The following TMEM164 variants were observed in gnomAD, a reference collection of about 807,000 sequenced individuals.
TMEM164 encodes transmembrane protein 164.
TMEM164 carries 4 observed loss-of-function variants against 18.8 expected under a neutral mutation model. That is an observed-to-expected ratio of 0.21 (90% CI 0.10 to 0.49). The LOEUF (loss-of-function observed/expected upper bound fraction) is 0.49. TMEM164 is among the 20% of genes least tolerant of loss of function. The probability of loss-of-function intolerance (pLI) is 0.98; values close to 1 mark genes in which losing one functional copy is unlikely to be tolerated. For missense variants in TMEM164, 108 were observed against 239.9 expected (o/e 0.45, Z 3.63); for synonymous variants, 86 against 101.7 (o/e 0.85, Z 0.93).
Position 110,176,143 on chromosome X carries a change from C to CGA in TMEM164, c.*2692_*2693insGA. ...GTGTGAGGGTGTTTGTAGAAGAGGG[C>CGA]AGTTTCCTTTCAAATGGCCTTAGGA... On this transcript the variant is annotated 3_prime_UTR_variant, in exon 7 of 7. Transcript: ENST00000372068. 1.3e-6 allele frequency: 1 copy of CGA among 756,753 alleles called. No individual in the cohort carries two copies. Among genetic ancestry groups the CGA allele is most frequent in the Non-Finnish European group, 1.6e-6 (1 of 639,660 alleles). The allele number at this position is 756,753 out of a possible 1,213,427, so 62.4% of individuals were successfully genotyped here.
At chrX:110,116,728 G>A (rs1032475962) in intron 4 of TMEM164, among the ~76,000 whole-genome samples, 1 of 111,201 alleles carries the variant, frequency 9.0e-6, no homozygotes. Flanking sequence ...AATCAGAATA[G>A]CTCTTTTACA....
rs186435083 is a variant in TMEM164, at chrX:110,131,973, C to T, written c.508-12825C>T. 2.5e-3 allele frequency among the ~76,000 whole-genome samples: 282 copies of T among 111,512 alleles called. 2 individuals carry two copies. The highest frequency in any genetic ancestry group is 8.1e-3 in the African/African-American group (247 of 30,648). On this transcript the variant is annotated intron_variant, in intron 4 of 6. Transcript: ENST00000372068. The stretch of plus-strand genomic sequence containing the variant: ...TACCTATATTATGGCAGCTAGGTAG[C>T]GTAAGTCCTTCCGTTTTCATAGTAG...
chrX:110,019,622 G>A (rs1177875122), intron 2 of TMEM164, among the ~76,000 whole-genome samples: 1 of 111,975 alleles, frequency 8.9e-6, no homozygotes, highest in Non-Finnish European at 1.9e-5. Flanking sequence ...TAAACACATA[G>A]ATGCATACAC....
intron 5 of TMEM164, among the ~76,000 whole-genome samples, chrX:110,166,966 CTTTT>C (rs2067166633): frequency 9.0e-6 from 1 of 111,680 alleles, no homozygotes; most frequent in African/African-American, 3.3e-5. Context: ...AGAGTACTTT[CTTTT>C]TTTATTTTTT....
intron 2 of TMEM164, among the ~76,000 whole-genome samples, chrX:110,047,924 G>C (rs1230250103): frequency 8.9e-6 from 1 of 111,732 alleles, no homozygotes; most frequent in East Asian, 2.8e-4. Flanking sequence ...TCAGGGTTCA[G>C]ACCTGTGATC....
At chrX:110,072,876 G>A (rs1465134930) in intron 3 of TMEM164, among the ~76,000 whole-genome samples, 2 of 107,610 alleles carry the variant, frequency 1.9e-5, no homozygotes, top group African/African-American at 6.8e-5. Context: ...TACATGTGCA[G>A]GTTTGTTACA....
intron 5 of TMEM164, among the ~76,000 whole-genome samples, chrX:110,153,566 C>T (rs971074484): frequency 9.0e-6 from 1 of 111,270 alleles, no homozygotes; most frequent in South Asian, 3.8e-4. Flanking sequence ...CTCTCGGTAT[C>T]CATGGGGAAT....
At chrX:110,081,772 G>T (rs753014986) in intron 3 of TMEM164, among the ~76,000 whole-genome samples, 1 of 112,467 alleles carries the variant, frequency 8.9e-6, no homozygotes, top group African/African-American at 3.2e-5. Flanking sequence ...TATCTCTCTT[G>T]CTTTCTCTAT....
intron 4 of TMEM164, 110 bp from the exon 5 acceptor site, chrX:110,144,688 C>G: frequency 2.2e-6 from 1 of 450,162 alleles, no homozygotes; most frequent in Non-Finnish European, 3.8e-6. Flanking sequence ...TGGTGAAATG[C>G]ATGGGATTGC....
chrX:110,122,382 A>G (rs2066463692), intron 4 of TMEM164, among the ~76,000 whole-genome samples: 1 of 94,945 alleles, frequency 1.1e-5, no homozygotes, highest in African/African-American at 3.8e-5. Flanking sequence ...CAATGAGAAC[A>G]CATGGACACA....
At chrX:110,104,489 C>G (rs891777730) in intron 3 of TMEM164, among the ~76,000 whole-genome samples, 8 of 111,997 alleles carry the variant, frequency 7.1e-5, no homozygotes, top group African/African-American at 2.6e-4. Context: ...ACTAGTCATG[C>G]TGAAGTGCTC....
chrX:110,126,810 C>CTGTGTGTGTGTGTGTGTGTG (rs4035483), intron 4 of TMEM164, among the ~76,000 whole-genome samples: 1 of 69,583 alleles, frequency 1.4e-5, no homozygotes, highest in African/African-American at 5.8e-5. Context: ...TGGGCCACTC[C>CTGTGTGTGTGTGTGTGTGTG]TGTGTGTGTG....
chrX:110,034,003 A>G (rs749733010), intron 2 of TMEM164, among the ~76,000 whole-genome samples: 6 of 107,453 alleles, frequency 5.6e-5, no homozygotes, highest in African/African-American at 1.7e-4. Context: ...GAAAAATTCC[A>G]TTGGTCATTA....
At chrX:110,159,830 C>T (rs1052620735) in intron 5 of TMEM164, among the ~76,000 whole-genome samples, 2 of 111,758 alleles carry the variant, frequency 1.8e-5, no homozygotes, top group Non-Finnish European at 3.8e-5. Context: ...CTTCTCAGAG[C>T]TGTTAGTGGA....
chrX:110,020,618 A>G (rs1933757096), intron 2 of TMEM164: 1 of 754,321 alleles, frequency 1.3e-6, no homozygotes, highest in Non-Finnish European at 1.6e-6. Context: ...CTGGTCCTCT[A>G]TGTCATGAAA....
chrX:110,088,357 G>T (rs187958652), intron 3 of TMEM164, among the ~76,000 whole-genome samples: 22 of 112,059 alleles, frequency 2.0e-4, no homozygotes, highest in African/African-American at 3.6e-4. Flanking sequence ...CAGTCTTTTG[G>T]CACCTTCACC....
intron 2 of TMEM164, among the ~76,000 whole-genome samples, chrX:110,066,835 G>A (rs1447698184): frequency 1.8e-5 from 2 of 111,434 alleles, no homozygotes; most frequent in Non-Finnish European, 3.8e-5. Context: ...GGAACCTGCG[G>A]GTGGCAGTTT....
intron 5 of TMEM164, 36 bp from the exon 6 acceptor site, chrX:110,171,382 CTA>C: frequency 9.5e-7 from 1 of 1,050,195 alleles, no homozygotes; most frequent in Non-Finnish European, 1.3e-6. Flanking sequence ...AAGTGGGTCA[CTA>C]TTCCTGCCAT....
chrX:110,024,943 T>G (rs928897296), intron 2 of TMEM164, among the ~76,000 whole-genome samples: 6 of 111,489 alleles, frequency 5.4e-5, no homozygotes, highest in African/African-American at 2.0e-4. Flanking sequence ...CTAATACTAT[T>G]AGAATGGTAG....
Sources: allele counts gnomAD v4.1 joint callset (sites outside exome capture counted in the v4.1 genomes callset), GRCh38; gene constraint gnomAD v4.1.1; transcripts MANE v1.5; gene names NCBI Gene and HGNC (gene_info 2026-07-23, HGNC 2026-07-21).